The following GRID2 variants were observed in gnomAD, a reference collection of about 807,000 sequenced individuals.
GRID2 encodes the protein glutamate ionotropic receptor delta type subunit 2, also known as glutamate receptor ionotropic, delta-2.
GRID2 carries 33 observed loss-of-function variants against 114.8 expected under a neutral mutation model. That is an observed-to-expected ratio of 0.29 (90% CI 0.22 to 0.38). The LOEUF is 0.38. GRID2 is among the 10% of genes least tolerant of loss of function. GRID2 has a pLI of 1.00. For synonymous variants in GRID2, 505 were observed against 449.9 expected (o/e 1.12, Z -1.55); for missense variants, 1,184 against 1,257.7 (o/e 0.94, Z 0.89).
At chr4:92,716,794 G>T (rs547675767) in intron 2 of GRID2, among the ~76,000 whole-genome samples, 1 of 152,086 alleles carries the variant, frequency 6.6e-6, no homozygotes, top group Non-Finnish European at 1.5e-5. Flanking sequence ...TTGTTGAAAT[G>T]TATTCACTTA....
chr4:92,466,071 A>G (rs1721737263), intron 1 of GRID2, among the ~76,000 whole-genome samples: 2 of 151,790 alleles, frequency 1.3e-5, no homozygotes, highest in African/African-American at 4.8e-5. Flanking sequence ...AGATATGTTG[A>G]GTAGGTGCAA....
chr4:92,882,987 A>T (rs1454511205), intron 2 of GRID2, among the ~76,000 whole-genome samples: 1 of 152,174 alleles, frequency 6.6e-6, no homozygotes, highest in Non-Finnish European at 1.5e-5. Flanking sequence ...ATAAGACAAC[A>T]GTGAAGTTTG....
intron 1 of GRID2, among the ~76,000 whole-genome samples, chr4:92,529,324 C>G (rs184572010): frequency 2.6e-5 from 4 of 151,890 alleles, no homozygotes; most frequent in African/African-American, 9.7e-5. Flanking sequence ...CGTTCAGCCA[C>G]GTAATAGGTA....
chr4:93,050,520 GTGT>G (rs2149279851), intron 2 of GRID2, among the ~76,000 whole-genome samples: 1 of 130,818 alleles, frequency 7.6e-6, no homozygotes, highest in East Asian at 2.3e-4. Flanking sequence ...GTGTGTGTGT[GTGT>G]GTGTGTGTGT....
chr4:92,688,762 A>T (rs1300536891), intron 2 of GRID2, among the ~76,000 whole-genome samples: 1 of 152,080 alleles, frequency 6.6e-6, no homozygotes, highest in Non-Finnish European at 1.5e-5. Context: ...TTTAATGTTG[A>T]TATTTTGACC....
At chr4:93,337,858 G>T (rs1759245162) in intron 8 of GRID2, among the ~76,000 whole-genome samples, 1 of 152,062 alleles carries the variant, frequency 6.6e-6, no homozygotes, top group African/African-American at 2.4e-5. Flanking sequence ...ACTAGTATTT[G>T]TACATTTTTC....
intron 11 of GRID2, among the ~76,000 whole-genome samples, chr4:93,472,703 G>T (rs545921695): frequency 1.3e-5 from 2 of 152,228 alleles, no homozygotes; most frequent in African/African-American, 4.8e-5. Context: ...GACATGCTCA[G>T]GTAGAACACA....
At chr4:92,706,707 C>T (rs1734974442) in intron 2 of GRID2, among the ~76,000 whole-genome samples, 1 of 152,158 alleles carries the variant, frequency 6.6e-6, no homozygotes, top group African/African-American at 2.4e-5. Context: ...ATAGGAAAAC[C>T]TGTTTGATTA....
intron 8 of GRID2, among the ~76,000 whole-genome samples, chr4:93,240,427 A>G (rs577857303): frequency 1.9e-4 from 29 of 151,432 alleles, no homozygotes; most frequent in African/African-American, 6.8e-4. Flanking sequence ...GGTGTTTCTG[A>G]GTTAATTGCT....
rs749542291 is a variant in GRID2, at chr4:93,697,869, G to GTATATATATATATATATA, written c.2361-71330_2361-71329insATATATATATATATATAT. On this transcript the variant is annotated intron_variant, in intron 14 of 15. Transcript: ENST00000282020. Reference sequence around the variant, plus strand: ...TCAATTTAGTCATTCCACAATGTGTGTATATATATATTTCAAAACAATACG... The same window carrying GTATATATATATATATATA: ...TCAATTTAGTCATTCCACAATGTGTGTATATATATATATATATATATATATATATTTCAAAACAATACG... Among the ~76,000 whole-genome samples the GTATATATATATATATATA allele has an allele frequency of 6.6e-4, 81 of 122,674 alleles. 3 individuals are homozygous for GTATATATATATATATATA. Among genetic ancestry groups the GTATATATATATATATATA allele is most frequent in the Admixed American group, 2.1e-3 (25 of 11,750 alleles). 80.5% of individuals were successfully genotyped at this position (122,674 alleles called of 152,430 possible).
chr4:92,538,916 C>A (rs2149160365), intron 1 of GRID2, among the ~76,000 whole-genome samples: 1 of 152,010 alleles, frequency 6.6e-6, no homozygotes, highest in Non-Finnish European at 1.5e-5. Flanking sequence ...GTGGTGGGCA[C>A]CTGTAGTCCC....
At chr4:92,783,543 C>A (rs1739182022) in intron 2 of GRID2, among the ~76,000 whole-genome samples, 1 of 152,128 alleles carries the variant, frequency 6.6e-6, no homozygotes, top group East Asian at 1.9e-4. Flanking sequence ...GTTTTGCTCT[C>A]ATTTTAAGTA....
At chr4:93,086,060 T>C (rs1179957102) in intron 3 of GRID2, among the ~76,000 whole-genome samples, 4 of 152,218 alleles carry the variant, frequency 2.6e-5, no homozygotes, top group Non-Finnish European at 5.9e-5. Context: ...ATCTATAGAT[T>C]CCCTCTTATT....
intron 11 of GRID2, among the ~76,000 whole-genome samples, chr4:93,470,791 A>G (rs934304432): frequency 3.9e-5 from 6 of 152,170 alleles, no homozygotes; most frequent in Non-Finnish European, 7.4e-5. Context: ...TTTCAAAAAC[A>G]AAAATCTACA....
At chr4:92,637,932 G>T (rs1368402882) in intron 2 of GRID2, among the ~76,000 whole-genome samples, 3 of 151,968 alleles carry the variant, frequency 2.0e-5, no homozygotes, top group Non-Finnish European at 2.9e-5. Context: ...AATAGAAGTT[G>T]TTAGAAACAT....
rs544270135 is a variant in GRID2, at chr4:92,685,789, A to G, written c.244+95503A>G. Among the ~76,000 whole-genome samples, 4 of 152,126 alleles carry G rather than the reference A, an allele frequency of 2.6e-5. No homozygotes were observed. In the South Asian group the frequency reaches 6.2e-4, roughly 24 times the overall value. On this transcript the variant is annotated intron_variant, in intron 2 of 15. Coordinates refer to ENST00000282020, the MANE Select transcript of GRID2 (RefSeq NM_001510.4). Reference sequence around the variant, plus strand: ...CATCTTTATATTCTCTACCTGTTCTATCATCCTGATTTAGGCAGTCCTTGG... The same window carrying G: ...CATCTTTATATTCTCTACCTGTTCTGTCATCCTGATTTAGGCAGTCCTTGG...
At chr4:92,330,092 G>T (rs1378072239) in intron 1 of GRID2, among the ~76,000 whole-genome samples, 2 of 151,842 alleles carry the variant, frequency 1.3e-5, no homozygotes, top group Non-Finnish European at 2.9e-5. Flanking sequence ...GCAGGCAAAG[G>T]TGAGTAAGGT....
chr4:93,073,069 A>G (rs535017403), intron 2 of GRID2, among the ~76,000 whole-genome samples: 2 of 152,192 alleles, frequency 1.3e-5, no homozygotes, highest in Non-Finnish European at 2.9e-5. Context: ...TGTATCATGC[A>G]GTAAAAAGTA....
intron 8 of GRID2, among the ~76,000 whole-genome samples, chr4:93,267,699 A>G (rs558074652): frequency 2.2e-4 from 33 of 152,230 alleles, no homozygotes; most frequent in African/African-American, 7.9e-4. Context: ...GAAGCACACA[A>G]CTTGAGGGCC....
Sources: gnomAD v4.1 joint callset for allele counts (sites outside exome capture counted in the v4.1 genomes callset) on GRCh38, gnomAD v4.1.1 for gene constraint, MANE v1.5 for transcripts, NCBI Gene and HGNC (gene_info 2026-07-23, HGNC 2026-07-21) for gene names.